The following MITF variants were observed in gnomAD, a reference collection of about 807,000 sequenced individuals.
MITF encodes the protein microphthalmia-associated transcription factor.
MITF carries 17 observed loss-of-function variants against 60.5 expected under a neutral mutation model. The observed-to-expected ratio is 0.28, with a 90% CI of 0.19 to 0.42. The LOEUF is 0.42. MITF is among the 10% of genes least tolerant of loss of function. MITF has a pLI of 1.00. For synonymous variants in MITF, 260 were observed against 248.5 expected, an observed-to-expected ratio of 1.05 and a Z score of -0.43; for missense variants, 622 against 683.5, an observed-to-expected ratio of 0.91 and a Z score of 1.00.
At chr3:69,913,959 T>G (rs1436265369) in intron 2 of MITF, among the ~76,000 whole-genome samples, 1 of 152,208 alleles carries the variant, frequency 6.6e-6, no homozygotes, top group Non-Finnish European at 1.5e-5. Flanking sequence ...TTTTGAAATG[T>G]GAATTAACAA....
chr3:69,904,672 T>C (rs186195597), intron 2 of MITF, among the ~76,000 whole-genome samples: 4 of 152,200 alleles, frequency 2.6e-5, no homozygotes, highest in African/African-American at 9.6e-5. Flanking sequence ...TTCACCCTTA[T>C]AAACCATAAG....
chr3:69,860,588 A>G lies in MITF; in HGVS notation c.105-18546A>G, dbSNP rs1438164441. ...ACTCCCGCCTGGGCGACAGAACGAG[A>G]CTCCGTCTCAAAAAAAAAAAAAAAA... On this transcript the variant is annotated intron_variant, in intron 1 of 9. Transcript: ENST00000352241. Among the ~76,000 whole-genome samples the G allele has an allele frequency of 4.7e-5, 6 of 126,478 alleles. No individual in the cohort carries two copies. In the Admixed American group the frequency reaches 5.7e-4, roughly 12 times the overall value. 83.0% of individuals were successfully genotyped at this position (126,478 alleles called of 152,430 possible).
intron 1 of MITF, among the ~76,000 whole-genome samples, chr3:69,844,813 G>C (rs1326456902): frequency 2.0e-5 from 3 of 151,932 alleles, no homozygotes; most frequent in Admixed American, 2.0e-4. Flanking sequence ...CAGCATTCCA[G>C]TGCTGAGACA....
intron 2 of MITF, among the ~76,000 whole-genome samples, chr3:69,918,185 C>A (rs1021575212): frequency 6.6e-6 from 1 of 152,088 alleles, no homozygotes; most frequent in Non-Finnish European, 1.5e-5. Flanking sequence ...GTGCCTCAGC[C>A]TCCTGAGTAG....
chr3:69,775,805 CAG>C (rs1433531528), intron 1 of MITF, among the ~76,000 whole-genome samples: 5 of 152,140 alleles, frequency 3.3e-5, no homozygotes, highest in African/African-American at 1.2e-4. Context: ...GAAGAAAGAG[CAG>C]AGTTACCTAC....
At chr3:69,878,642 A>C (rs1314205293) in intron 1 of MITF, among the ~76,000 whole-genome samples, 1 of 152,174 alleles carries the variant, frequency 6.6e-6, no homozygotes, top group Admixed American at 6.5e-5. Context: ...CCTCTTGGCA[A>C]AGCTCACCTT....
At chr3:69,955,713 G>C (rs1432243898) in intron 7 of MITF, among the ~76,000 whole-genome samples, 2 of 152,040 alleles carry the variant, frequency 1.3e-5, no homozygotes, top group Non-Finnish European at 2.9e-5. Flanking sequence ...TACTTGGGAG[G>C]CTGAGGCACA....
chr3:69,739,895 G>A (rs116030224), intron 1 of MITF, among the ~76,000 whole-genome samples, 194 bp downstream of exon 1: 2,040 of 152,202 alleles, frequency 0.013, 50 homozygotes, highest in African/African-American at 0.045. Context: ...TAGGAAGCTC[G>A]GATGGAGCGC....
chr3:69,828,125 C>T (rs2063386379), intron 1 of MITF, among the ~76,000 whole-genome samples: 1 of 152,000 alleles, frequency 6.6e-6, no homozygotes, highest in Non-Finnish European at 1.5e-5. Flanking sequence ...GTATTGACAC[C>T]ATGTTTAGCC....
At chr3:69,829,324 G>T (rs1006521184) in intron 1 of MITF, among the ~76,000 whole-genome samples, 1 of 152,160 alleles carries the variant, frequency 6.6e-6, no homozygotes, top group Admixed American at 6.5e-5. Flanking sequence ...TATAACTTCT[G>T]TTATTCTATA....
At chr3:69,894,757 A>T (rs1457479580) in intron 2 of MITF, among the ~76,000 whole-genome samples, 1 of 150,504 alleles carries the variant, frequency 6.6e-6, no homozygotes, top group East Asian at 1.9e-4. Context: ...TAATTTTTTT[A>T]TTCATTTGTT....
rs2107479313 is a variant in MITF, at chr3:69,937,951, A to C, written c.484A>C (p.Asn162His). The part of the protein sequence containing the change: ...ANQVLSLPCP[N>H]QPGDHVMPPV... ...CCAAGTCCTGAGCTTGCCATGTCCAAACCAGCCTGGCGATCATGTCATGCC... is the reference window on the plus strand; with the variant it reads ...CCAAGTCCTGAGCTTGCCATGTCCACACCAGCCTGGCGATCATGTCATGCC... The change falls in exon 3 of 10, where the codon AAC becomes CAC. Residue 162 changes from asparagine to histidine, a missense_variant. Physicochemically the swap from Asn to His is moderately conservative, Grantham distance 68. Around this residue, in one of 5 missense-constraint regions of MITF, gnomAD observed 215 missense variants for 224.8 expected, o/e 0.96. Transcript: ENST00000352241. 2.5e-6 allele frequency: 4 copies of C among 1,614,118 alleles called. No homozygotes were observed. The highest frequency in any genetic ancestry group is 3.4e-6 in the Non-Finnish European group (4 of 1,179,996).
chr3:69,811,752 G>A (rs561049354), intron 1 of MITF, among the ~76,000 whole-genome samples: 1 of 152,312 alleles, frequency 6.6e-6, no homozygotes, highest in Non-Finnish European at 1.5e-5. Context: ...TGACAAGGAA[G>A]GTATGGGAGA....
chr3:69,951,931 C>T, intron 7 of MITF, 45 bp downstream of exon 7: 1 of 1,361,440 alleles, frequency 7.3e-7, no homozygotes, highest in Non-Finnish European at 1.0e-6. Context: ...TATTAATGTT[C>T]CCCATATATC....
chr3:69,878,933 G>A (rs1362104391), intron 1 of MITF, among the ~76,000 whole-genome samples: 2 of 151,874 alleles, frequency 1.3e-5, no homozygotes, highest in African/African-American at 2.4e-5. Context: ...ATGCAATCAA[G>A]CTGACTTATT....
chr3:69,894,114 T>C (rs764191608), intron 2 of MITF, among the ~76,000 whole-genome samples: 36 of 152,344 alleles, frequency 2.4e-4, no homozygotes, highest in Non-Finnish European at 4.7e-4. Context: ...GGAGTGACCA[T>C]ATATGATTTT....
At chr3:69,772,991 G>T (rs967667618) in intron 1 of MITF, among the ~76,000 whole-genome samples, 1 of 152,156 alleles carries the variant, frequency 6.6e-6, no homozygotes, top group Non-Finnish European at 1.5e-5. Flanking sequence ...CTAAATGCTG[G>T]TAAGTGTTAT....
At chr3:69,960,099 C>G (rs974480308) in intron 9 of MITF, among the ~76,000 whole-genome samples, 1 of 152,108 alleles carries the variant, frequency 6.6e-6, no homozygotes, top group Non-Finnish European at 1.5e-5. Flanking sequence ...ATTCAGTGTT[C>G]ACAGTGACTT....
chr3:69,775,687 A>G (rs1365269699), intron 1 of MITF, among the ~76,000 whole-genome samples: 1 of 152,176 alleles, frequency 6.6e-6, no homozygotes, highest in Non-Finnish European at 1.5e-5. Context: ...AGAAAATACC[A>G]CTTTTCATTA....
Sources: allele counts gnomAD v4.1 joint callset (sites outside exome capture counted in the v4.1 genomes callset), GRCh38; gene constraint gnomAD v4.1.1; regional missense constraint gnomAD v4.1.1; transcripts MANE v1.5; gene names NCBI Gene and HGNC (gene_info 2026-07-23, HGNC 2026-07-21).